DOCK4: variants seen among roughly 807,000 people sequenced by gnomAD.
The protein encoded by DOCK4 is dedicator of cytokinesis 4, also known as dedicator of cytokinesis protein 4.
DOCK4 carries 97 observed loss-of-function variants against 268.1 expected under a neutral mutation model. That is an observed-to-expected ratio of 0.36 (90% CI 0.31 to 0.43). The LOEUF is 0.43. Among genes scored for constraint, DOCK4 ranks in the 20% least tolerant of loss-of-function variants. DOCK4 has a pLI of 1.00. For missense variants in DOCK4, 2,145 were observed against 2,455.7 expected, an observed-to-expected ratio of 0.87 and a Z score of 2.67; for synonymous variants, 954 against 887.2, an observed-to-expected ratio of 1.08 and a Z score of -1.34.
chr7:111,766,572 G>A (rs1797773873), intron 38 of DOCK4, among the ~76,000 whole-genome samples: 1 of 152,256 alleles, frequency 6.6e-6, no homozygotes, highest in Admixed American at 6.5e-5. Context: ...CTGAAACGTT[G>A]ATCTAAGTCC....
rs375587919 is a variant in DOCK4 at position 112,143,243 on chromosome 7, C to T, written c.37+62859G>A. Among the ~76,000 whole-genome samples the T allele has an allele frequency of 1.1e-4, 16 of 152,106 alleles. 1 individual carries two copies. Among genetic ancestry groups the T allele is most frequent in the Admixed American group, 4.6e-4 (7 of 15,274 alleles). ...CCTTGGGCTGAATCCTAGACACAGA[C>T]GAGACCTCCACAGCAGTGGAAACAG... On this transcript the variant is annotated intron_variant, in intron 1 of 52. Transcript: ENST00000428084.
At chr7:111,901,544 A>G in intron 14 of DOCK4, 133 bp downstream of exon 14, 1 of 923,510 alleles carries the variant, frequency 1.1e-6, no homozygotes. Context: ...GGTGAAGGAG[A>G]AAAATAAGAT....
chr7:111,875,754 G>C (rs1421789973), intron 17 of DOCK4, among the ~76,000 whole-genome samples: 1 of 152,202 alleles, frequency 6.6e-6, no homozygotes, highest in Non-Finnish European at 1.5e-5. Flanking sequence ...CCATTCCAGG[G>C]GGAATGCAGC....
intron 22 of DOCK4, among the ~76,000 whole-genome samples, chr7:111,866,139 A>C (rs1805956538): frequency 6.6e-6 from 1 of 152,194 alleles, no homozygotes. Context: ...GTTACACAGC[A>C]ATAGAAAACT....
At chr7:111,751,831 T>C (rs181512209) in intron 42 of DOCK4, among the ~76,000 whole-genome samples, 2 of 152,290 alleles carry the variant, frequency 1.3e-5, no homozygotes, top group African/African-American at 4.8e-5. Flanking sequence ...TAGTTCACTG[T>C]AACCTCAAAC....
Position 111,977,294 on chromosome 7 carries a change from C to T in DOCK4, c.550-11G>A, listed in dbSNP as rs767903752. On this transcript the variant is annotated splice_polypyrimidine_tract_variant and intron_variant, in intron 7 of 52. Transcript: ENST00000428084. ...ATGTCGATGTTCCATCTGAATGACA[C>T]CCCCCAACAAAAACATGATCAGCAT... 6 of 1,582,096 alleles carry T rather than the reference C, an allele frequency of 3.8e-6. No individual in the cohort carries two copies. The highest frequency in any genetic ancestry group is 5.2e-6 in the Non-Finnish European group (6 of 1,163,636).
intron 1 of DOCK4, among the ~76,000 whole-genome samples, chr7:112,127,477 G>C (rs1813342178): frequency 6.7e-6 from 1 of 150,150 alleles, no homozygotes; most frequent in Admixed American, 6.6e-5. Flanking sequence ...AAGTTAATGG[G>C]TGCAGCACAC....
At chr7:111,896,487 G>T (rs10233870) in intron 15 of DOCK4, among the ~76,000 whole-genome samples, 3,011 of 138,468 alleles carry the variant, frequency 0.022, 106 homozygotes, top group African/African-American at 0.049. Context: ...TTCCACCAAG[G>T]TTTTTTTTTT....
chr7:112,124,583 A>G (rs1419705899), intron 1 of DOCK4, among the ~76,000 whole-genome samples: 1 of 152,198 alleles, frequency 6.6e-6, no homozygotes, highest in African/African-American at 2.4e-5. Flanking sequence ...GTAATAAGTG[A>G]AGAGAGGCCT....
intron 21 of DOCK4, among the ~76,000 whole-genome samples, chr7:111,868,967 G>A (rs760272819): frequency 2.6e-4 from 40 of 152,054 alleles, no homozygotes; most frequent in Non-Finnish European, 4.6e-4. Context: ...ACACCAAATA[G>A]GATGGTCCTC....
At chr7:111,802,201 G>A (rs1800350561) in intron 30 of DOCK4, among the ~76,000 whole-genome samples, 1 of 152,044 alleles carries the variant, frequency 6.6e-6, no homozygotes, top group African/African-American at 2.4e-5. Flanking sequence ...ATTTTAAAAA[G>A]CCTAAACCCA....
intron 12 of DOCK4, among the ~76,000 whole-genome samples, chr7:111,932,427 G>T (rs1458934605): frequency 6.6e-6 from 1 of 152,050 alleles, no homozygotes; most frequent in Non-Finnish European, 1.5e-5. Context: ...ATACACCATG[G>T]TTACCAACTC....
intron 26 of DOCK4, among the ~76,000 whole-genome samples, chr7:111,826,457 G>A (rs1802396677): frequency 6.6e-6 from 1 of 152,050 alleles, no homozygotes; most frequent in African/African-American, 2.4e-5. Flanking sequence ...AAATTGTTTT[G>A]TGCTTACATA....
In DOCK4 at chr7:111,741,551, A is replaced by G. The variant is rs1209969140; in HGVS notation, c.4908T>C (p.Ile1636=). 1 of 1,613,120 alleles carries G rather than the reference A, an allele frequency of 6.2e-7. No individual in the cohort carries two copies. The highest frequency in any genetic ancestry group is 2.2e-5 in the East Asian group (1 of 44,878). Residue 1636 remains isoleucine, a synonymous_variant, in exon 46 of 53, where the codon ATT becomes ATC. Coordinates refer to ENST00000428084, the MANE Select transcript of DOCK4 (RefSeq NM_001363540.2). ...GGAATATGACTTACCTGCGTCTAGG[A>G]ATTACCCTGGTACCATCTGGGCTCA... ...ASVSPDGTRV[I]PRRSPLSYPA...
chr7:111,890,740 A>AAACT (rs1369143200), intron 16 of DOCK4, among the ~76,000 whole-genome samples: 4 of 152,180 alleles, frequency 2.6e-5, no homozygotes, highest in Non-Finnish European at 5.9e-5. Flanking sequence ...CTACAAAGGG[A>AAACT]AACTACCTCA....
intron 12 of DOCK4, among the ~76,000 whole-genome samples, chr7:111,930,697 A>C (rs1182906786): frequency 1.3e-5 from 2 of 152,098 alleles, no homozygotes; most frequent in Non-Finnish European, 2.9e-5. Flanking sequence ...TTCCCTCTTC[A>C]ATTTCTTGTG....
At chr7:111,986,398 T>C (rs1799058447) in intron 6 of DOCK4, among the ~76,000 whole-genome samples, 1 of 152,222 alleles carries the variant, frequency 6.6e-6, no homozygotes, top group African/African-American at 2.4e-5. Flanking sequence ...CTTCCTGGCG[T>C]CCTGGTTATG....
chr7:111,732,086 C>A (rs1241541797), intron 52 of DOCK4, 140 bp downstream of exon 52: 16 of 830,420 alleles, frequency 1.9e-5, no homozygotes, highest in Non-Finnish European at 2.8e-5. Flanking sequence ...TTTTTCTCAA[C>A]CAGCTTCCCC....
intron 49 of DOCK4, among the ~76,000 whole-genome samples, chr7:111,738,613 T>C (rs893467338): frequency 2.0e-5 from 3 of 152,220 alleles, no homozygotes; most frequent in Admixed American, 6.5e-5. Context: ...TTAGCATCAC[T>C]GCCAAGCAAC....
Sources: gnomAD v4.1 joint callset for allele counts (sites outside exome capture counted in the v4.1 genomes callset) on GRCh38, gnomAD v4.1.1 for gene constraint, MANE v1.5 for transcripts, NCBI Gene and HGNC (gene_info 2026-07-23, HGNC 2026-07-21) for gene names.